The following CAMKK2 variants were observed in gnomAD, a reference collection of about 807,000 sequenced individuals.
CAMKK2 encodes calcium/calmodulin dependent protein kinase kinase 2.
Under a neutral mutation model 67.2 loss-of-function variants are expected in CAMKK2, and 30 were observed. The observed-to-expected ratio is 0.45, with a 90% CI of 0.33 to 0.61. The LOEUF (loss-of-function observed/expected upper bound fraction) is 0.61, where lower values mean the gene tolerates loss of function less well. CAMKK2 is among the 20% of genes least tolerant of loss of function. The pLI is 0.02. For missense variants in CAMKK2, 643 were observed against 802.0 expected (o/e 0.80, Z 2.39); for synonymous variants, 322 against 326.2 (o/e 0.99, Z 0.14).
intron 5 of CAMKK2, 55 bp from the exon 6 acceptor site, chr12:121,263,994 A>C (rs1894004682): frequency 6.8e-7 from 1 of 1,468,432 alleles, no homozygotes. Context: ...TCCTCCGCAG[A>C]GGGCAGCTGC....
In CAMKK2 at chr12:121,253,256, G is replaced by A. The variant is rs763781732; in HGVS notation, c.1107+17C>T. The A allele has an allele frequency of 6.2e-7, 1 of 1,612,048 alleles. No homozygotes were observed. The highest frequency in any genetic ancestry group is 2.2e-5 in the East Asian group (1 of 44,854). Reference sequence around the variant, plus strand: ...AACACAGGCAGAACTCTGTGGCTGAGGCAGGCCCAAGCTTACCTTCCCAGA... The same window carrying A: ...AACACAGGCAGAACTCTGTGGCTGAAGCAGGCCCAAGCTTACCTTCCCAGA... On this transcript the variant is annotated intron_variant, in intron 10 of 16. Coordinates refer to ENST00000404169, the MANE Select transcript of CAMKK2 (RefSeq NM_001270485.2). The surrounding 1 kb of genome is among the most constrained non-coding windows in gnomAD (Gnocchi z 5.0).
intron 16 of CAMKK2, chr12:121,244,016 C>G: frequency 1.9e-6 from 3 of 1,555,458 alleles, no homozygotes; most frequent in Non-Finnish European, 2.6e-6. Context: ...GTCACCTGGG[C>G]TGGCTATGTG....
Position 121,274,095 on chromosome 12 carries a change from C to A in CAMKK2, c.432G>T (p.Pro144=). 2 of 1,529,814 alleles carry A rather than the reference C, an allele frequency of 1.3e-6. No individual in the cohort carries two copies. The highest frequency in any genetic ancestry group is 1.8e-6 in the Non-Finnish European group (2 of 1,138,594). The allele number at this position is 1,529,814 out of a possible 1,614,324, so 94.8% of individuals were successfully genotyped here. A position where few individuals can be genotyped will look rare whatever the true frequency, so the allele number is the denominator to read the frequency against. The part of the protein sequence containing the change: ...PQSSPRLPRR[P]TVESHHVSIT... ...TGGAGACGTGGTGAGACTCCACTGT[C>A]GGCCGCCGGGGCAGCCGAGGCGAGG... Residue 144 remains proline, a synonymous_variant, in exon 2 of 17, where the codon CCG becomes CCT. Coordinates refer to ENST00000404169, the MANE Select transcript of CAMKK2 (RefSeq NM_001270485.2).
intron 3 of CAMKK2, 108 bp downstream of exon 3, chr12:121,270,790 T>C: frequency 1.3e-6 from 1 of 786,312 alleles, no homozygotes. Context: ...TCCACCAACC[T>C]CGCCTTCAAA....
intron 1 of CAMKK2, among the ~76,000 whole-genome samples, chr12:121,283,143 G>A (rs921917893): frequency 5.3e-5 from 8 of 152,160 alleles, no homozygotes; most frequent in African/African-American, 1.9e-4. Context: ...AACCAGTGGG[G>A]TTCGGAGAAG....
intron 1 of CAMKK2, among the ~76,000 whole-genome samples, chr12:121,279,935 G>A (rs1027412130): frequency 4.6e-5 from 7 of 152,368 alleles, no homozygotes; most frequent in Non-Finnish European, 7.3e-5. Context: ...TACCTCCCGC[G>A]CAGCAAGCTG....
At chr12:121,284,638 C>G (rs1322821546) in intron 1 of CAMKK2, among the ~76,000 whole-genome samples, 1 of 152,142 alleles carries the variant, frequency 6.6e-6, no homozygotes, top group Non-Finnish European at 1.5e-5. Flanking sequence ...CTGAGTTTTT[C>G]AGGAAGGGGC....
Position 121,263,882 on chromosome 12 carries a change from C to A in CAMKK2, c.683G>T (p.Gly228Val). 1 of 1,610,326 alleles carries A rather than the reference C, an allele frequency of 6.2e-7. No individual in the cohort carries two copies. The highest frequency in any genetic ancestry group is 8.5e-7 in the Non-Finnish European group (1 of 1,177,200). The change falls in exon 6 of 17, where the codon GGC (glycine) becomes GTC (valine). Residue 228 changes from glycine (G) to valine (V), a missense_variant. Physicochemically the swap from Gly to Val is moderately radical, Grantham distance 109 (BLOSUM62 -3). Transcript: ENST00000404169. ...TTCCTGGTACACCTGCTCAATGGGGCCCCTGGGCTGGATGCAGCCTCCAGG... is the reference window on the plus strand; with the variant it reads ...TTCCTGGTACACCTGCTCAATGGGGACCCTGGGCTGGATGCAGCCTCCAGG... ...PAPGGCIQPR[G>V]PIEQVYQEIA...
At chr12:121,254,193 T>A (rs1479435493) in intron 9 of CAMKK2, among the ~76,000 whole-genome samples, 1 of 152,062 alleles carries the variant, frequency 6.6e-6, no homozygotes, top group East Asian at 1.9e-4. Flanking sequence ...GCACGGTGGC[T>A]CACGCCTGTC....
At position 121,248,529 on chromosome 12, in the gene CAMKK2, G is replaced by C. The variant is rs1889968228; in HGVS notation, c.1452+77C>G. On this transcript the variant is annotated intron_variant, in intron 14 of 16. Transcript: ENST00000404169. ...ACATCTGACTCCCGGGCACCCGCCT[G>C]TGTCCGGCCTGTCCTGGCCAGGCCC... The C allele has an allele frequency of 1.9e-6, 3 of 1,571,600 alleles. No individual in the cohort carries two copies. In the African/African-American group the frequency reaches 4.1e-5, roughly 21 times the overall value.
At chr12:121,297,715 T>C, upstream of CAMKK2, 1 of 516,948 alleles carries the variant, frequency 1.9e-6, no homozygotes, top group Non-Finnish European at 3.9e-6. Flanking sequence ...GACAGGAGAG[T>C]CAACCTCCAA....
intron 2 of CAMKK2, among the ~76,000 whole-genome samples, chr12:121,271,222 G>C (rs1034640492): frequency 2.7e-5 from 4 of 150,436 alleles, no homozygotes; most frequent in Non-Finnish European, 4.4e-5. Context: ...TTGCTTGAGC[G>C]GAGATTGCAC....
chr12:121,275,010 C>T (rs1366388496), intron 1 of CAMKK2, among the ~76,000 whole-genome samples: 1 of 151,884 alleles, frequency 6.6e-6, no homozygotes, highest in Non-Finnish European at 1.5e-5. Flanking sequence ...ATAAGAAAAC[C>T]CCCAAATAGA....
In CAMKK2 at chr12:121,240,829, G is replaced by A; in HGVS notation, c.1637C>T (p.Ala546Val). 1.2e-6 allele frequency: 2 copies of A among 1,612,358 alleles called. No individual in the cohort carries two copies. The highest frequency in any genetic ancestry group is 1.7e-6 in the Non-Finnish European group (2 of 1,179,852). Residue 546 changes from alanine to valine, a missense_variant, in exon 17 of 17, where the codon GCC (alanine) becomes GTC (valine). By Grantham distance (64) the Ala-to-Val change is moderately conservative. Coordinates refer to ENST00000404169, the MANE Select transcript of CAMKK2 (RefSeq NM_001270485.2). This position sits in a 1 kb window ranked among gnomAD's most constrained non-coding sequence, Gnocchi z 4.4. ...QRRQPPGHRP[A>V]PRGGGGSALV... The stretch of plus-strand genomic sequence containing the variant: ...AGCACTTCCTCCTCCCCCACGGGGG[G>A]CGGGTCGGTGCCCTGGAGGTTGTCT...
In CAMKK2 at chr12:121,285,674, TGGTGGC is replaced by T. The variant is rs1285429767; in HGVS notation, c.-60+10958_-60+10963del. ...AATACAAAAAAAACCTAGCTGGGCA[TGGTGGC>T]GTACACCTGTAGTCCCAGCTACTAG... On this transcript the variant is annotated intron_variant, in intron 1 of 16. Coordinates refer to ENST00000404169, the MANE Select transcript of CAMKK2 (RefSeq NM_001270485.2). The surrounding 1 kb of genome is among the most constrained non-coding windows in gnomAD (Gnocchi z 4.1). Among the ~76,000 whole-genome samples the T allele has an allele frequency of 2.0e-5, 3 of 152,058 alleles. No homozygotes were observed. The highest frequency in any genetic ancestry group is 2.9e-5 in the Non-Finnish European group (2 of 68,002).
chr12:121,251,463 A>G (rs1397946521), intron 11 of CAMKK2, among the ~76,000 whole-genome samples: 1 of 152,188 alleles, frequency 6.6e-6, no homozygotes, highest in Non-Finnish European at 1.5e-5. Flanking sequence ...CAATAAGAAC[A>G]CAAGCTCAGG....
rs1566107499 is a variant in CAMKK2, at chr12:121,274,247, G to A, written c.280C>T (p.Leu94Phe). ...DTSGSQARPH[L>F]SGRKLSLQER... is the part of the protein sequence containing the mutation. ...TGCAGAGACAGCTTGCGACCGGAGA[G>A]GTGGGGCCGGGCCTGGGACCCGGAG... Residue 94 changes from leucine (L) to phenylalanine (F), a missense_variant, in exon 2 of 17, where the codon CTC (leucine) becomes TTC (phenylalanine). Leu to Phe is a conservative substitution (Grantham distance 22). This residue lies in a region of CAMKK2 where 483 missense variants were observed against 625.8 expected (regional missense o/e 0.77). Coordinates refer to ENST00000404169, the MANE Select transcript of CAMKK2 (RefSeq NM_001270485.2). 1 of 1,611,030 alleles carries A rather than the reference G, an allele frequency of 6.2e-7. No individual in the cohort carries two copies.
At chr12:121,271,455 T>G (rs2136411323) in intron 2 of CAMKK2, among the ~76,000 whole-genome samples, 1 of 152,228 alleles carries the variant, frequency 6.6e-6, no homozygotes. Flanking sequence ...TTGTTGTACT[T>G]TGTCAAAATG....
chr12:121,282,676 A>G (rs1898011727), intron 1 of CAMKK2, among the ~76,000 whole-genome samples: 1 of 152,206 alleles, frequency 6.6e-6, no homozygotes, highest in Admixed American at 6.5e-5. Context: ...AGCCTTCAGA[A>G]GGGACGAACC....
Sources: gnomAD v4.1 joint callset for allele counts (sites outside exome capture counted in the v4.1 genomes callset) on GRCh38, gnomAD v4.1.1 for gene constraint, gnomAD v4.1.1 regional missense constraint, Gnocchi (gnomAD v3.1) non-coding constraint, MANE v1.5 for transcripts, NCBI Gene and HGNC (gene_info 2026-07-23, HGNC 2026-07-21) for gene names.